Variants in RBFOX3 observed in about 807,000 individuals in gnomAD.
RBFOX3 encodes RNA binding protein fox-1 homolog 3.
A neutral mutation model predicts 48.7 loss-of-function variants in RBFOX3; 17 were observed. The observed-to-expected ratio is 0.35, with a 90% CI of 0.24 to 0.52. The LOEUF is 0.52. RBFOX3 is among the 20% of genes least tolerant of loss of function. The pLI is 0.94. For synonymous variants in RBFOX3, 212 were observed against 209.5 expected, an observed-to-expected ratio of 1.01 and a Z score of -0.10; for missense variants, 382 against 497.5, an observed-to-expected ratio of 0.77 and a Z score of 2.21.
rs184374462 is a variant in RBFOX3 at position 79,106,553 on chromosome 17, G to A, written c.360+98C>T. ...CTGCGCAGTGGGAGGCAGGAAACCC[G>A]GGGGAACAGGTGTCGGCAGGAAGGC... On this transcript the variant is annotated intron_variant, in intron 6 of 14. Coordinates refer to ENST00000693108, the MANE Select transcript of RBFOX3 (RefSeq NM_001350451.2). 596 of 1,355,698 alleles carry A rather than the reference G, an allele frequency of 4.4e-4. 2 individuals are homozygous for A. In the African/African-American group the frequency reaches 7.2e-3, roughly 16 times the overall value. The allele number at this position is 1,355,698 out of a possible 1,614,324, so 84.0% of individuals were successfully genotyped here. A position where few individuals can be genotyped will look rare whatever the true frequency, so the allele number is the denominator to read the frequency against.
intron 2 of RBFOX3, among the ~76,000 whole-genome samples, chr17:79,404,522 C>G (rs997871885): frequency 1.3e-5 from 2 of 152,230 alleles, no homozygotes; most frequent in East Asian, 1.9e-4. Flanking sequence ...AGAGGGCCAG[C>G]CTGTGAGAAG....
chr17:79,319,339 G>A (rs1012661844), intron 2 of RBFOX3, among the ~76,000 whole-genome samples: 1 of 152,262 alleles, frequency 6.6e-6, no homozygotes, highest in Non-Finnish European at 1.5e-5. Context: ...AGGAGATGCA[G>A]AGAAAGGAAA....
chr17:79,445,848 G>A (rs1006805727), intron 2 of RBFOX3, among the ~76,000 whole-genome samples: 1 of 152,204 alleles, frequency 6.6e-6, no homozygotes, highest in Admixed American at 6.5e-5. Flanking sequence ...TTTGCAGAGG[G>A]CAGGGGCTCT....
intron 1 of RBFOX3, among the ~76,000 whole-genome samples, chr17:79,538,708 T>G (rs1555789387): frequency 1.3e-5 from 2 of 152,134 alleles, no homozygotes. Context: ...AGGAAACAGG[T>G]GCCCATGTGG....
At chr17:79,594,622 A>G (rs2093518183) in intron 1 of RBFOX3, among the ~76,000 whole-genome samples, 2 of 152,234 alleles carry the variant, frequency 1.3e-5, no homozygotes, top group African/African-American at 4.8e-5. Flanking sequence ...GCAGGACCCA[A>G]CAGCACTCTT....
At chr17:79,664,493 C>T in the RBFOX3 span, among the ~76,000 whole-genome samples, 2 of 152,052 alleles carry the variant, frequency 1.3e-5, no homozygotes, top group Non-Finnish European at 1.5e-5. Context: ...ACTACAGGCG[C>T]CCACCACCTC....
At chr17:79,541,474 C>T (rs541035392) in intron 1 of RBFOX3, among the ~76,000 whole-genome samples, 81 of 152,300 alleles carry the variant, frequency 5.3e-4, no homozygotes, top group African/African-American at 1.8e-3. Context: ...GTACTAGAGG[C>T]GCCTGGAGTC....
intron 3 of RBFOX3, among the ~76,000 whole-genome samples, chr17:79,259,943 T>C (rs890516681): frequency 6.6e-6 from 1 of 152,082 alleles, no homozygotes; most frequent in Non-Finnish European, 1.5e-5. Context: ...AGCAGGGATG[T>C]GAATCCAGTC....
intron 2 of RBFOX3, among the ~76,000 whole-genome samples, chr17:79,451,966 G>C (rs2073602760): frequency 6.6e-6 from 1 of 152,208 alleles, no homozygotes; most frequent in South Asian, 2.1e-4. Context: ...AAATTACAGG[G>C]GGGTACCAAC....
At chr17:79,577,268 A>G (rs1321848055) in intron 1 of RBFOX3, among the ~76,000 whole-genome samples, 3 of 152,194 alleles carry the variant, frequency 2.0e-5, no homozygotes, top group Non-Finnish European at 4.4e-5. Flanking sequence ...GTGGGTGAGT[A>G]AGACATTGGA....
At chr17:79,501,505 T>C (rs1201647993) in intron 1 of RBFOX3, among the ~76,000 whole-genome samples, 5 of 152,314 alleles carry the variant, frequency 3.3e-5, no homozygotes, top group Non-Finnish European at 7.4e-5. Flanking sequence ...TCCCACCCTC[T>C]GCCTCCTCCT....
At chr17:79,215,257 AGCAAC>A (rs950017206) in intron 4 of RBFOX3, among the ~76,000 whole-genome samples, 1 of 152,068 alleles carries the variant, frequency 6.6e-6, no homozygotes, top group African/African-American at 2.4e-5. Flanking sequence ...AGCTGAGCCC[AGCAAC>A]GCTGAGGCTG....
At chr17:79,519,536 T>C (rs2085757379) in intron 1 of RBFOX3, among the ~76,000 whole-genome samples, 1 of 152,164 alleles carries the variant, frequency 6.6e-6, no homozygotes, top group African/African-American at 2.4e-5. Context: ...CCCTCCCCTT[T>C]ACCTGTCCTG....
At chr17:79,329,604 G>C (rs1002155227) in intron 2 of RBFOX3, among the ~76,000 whole-genome samples, 9 of 152,092 alleles carry the variant, frequency 5.9e-5, no homozygotes, top group African/African-American at 2.2e-4. Flanking sequence ...ATGCCTGGTG[G>C]GGGCTCTGAG....
chr17:79,127,928 C>T (rs527672431), intron 4 of RBFOX3, among the ~76,000 whole-genome samples: 8 of 152,372 alleles, frequency 5.3e-5, no homozygotes, highest in African/African-American at 1.7e-4. Flanking sequence ...CTGCCCCCGT[C>T]ACGCTGCTGG....
At chr17:79,200,430 T>C (rs2056570018) in intron 4 of RBFOX3, among the ~76,000 whole-genome samples, 1 of 151,942 alleles carries the variant, frequency 6.6e-6, no homozygotes, top group Admixed American at 6.5e-5. Flanking sequence ...TAAGAGCAAA[T>C]ACAAGAAAAA....
rs2059626608 is a variant in RBFOX3, at chr17:79,220,762, A to G, written c.-34+15004T>C. The stretch of plus-strand genomic sequence containing the variant: ...GAGATTTGGAAGGGCCAGAGAGGTG[A>G]CACTGCCTGGAGACCCCAGCCCCAA... On this transcript the variant is annotated intron_variant, in intron 4 of 14. Coordinates refer to ENST00000693108, the MANE Select transcript of RBFOX3 (RefSeq NM_001350451.2). This position sits in a 1 kb window ranked among gnomAD's most constrained non-coding sequence, Gnocchi z 5.9. Among the ~76,000 whole-genome samples, 1 of 152,116 alleles carries G rather than the reference A, an allele frequency of 6.6e-6. No individual in the cohort carries two copies. Among genetic ancestry groups the G allele is most frequent in the East Asian group, 1.9e-4 (1 of 5,166 alleles).
At chr17:79,518,427 C>T (rs1323297817) in intron 1 of RBFOX3, among the ~76,000 whole-genome samples, 3 of 152,258 alleles carry the variant, frequency 2.0e-5, no homozygotes, top group African/African-American at 7.2e-5. Context: ...GATGGCCTGG[C>T]CGGGGCCCCA....
intron 4 of RBFOX3, among the ~76,000 whole-genome samples, chr17:79,128,401 T>C (rs1395914528): frequency 6.6e-6 from 1 of 152,180 alleles, no homozygotes; most frequent in African/African-American, 2.4e-5. Context: ...AGGTGCTTTG[T>C]GGACCCAGGA....
Sources: allele counts gnomAD v4.1 joint callset (sites outside exome capture counted in the v4.1 genomes callset), GRCh38; gene constraint gnomAD v4.1.1; non-coding constraint Gnocchi (gnomAD v3.1); transcripts MANE v1.5; gene names NCBI Gene and HGNC (gene_info 2026-07-23, HGNC 2026-07-21).